SETX: variants seen among roughly 807,000 people sequenced by gnomAD.
The protein encoded by SETX is senataxin.
A neutral mutation model predicts 227.2 loss-of-function variants in SETX; 90 were observed. The ratio of observed to expected loss-of-function variants is 0.40; its 90% CI spans 0.33 to 0.47. The LOEUF (loss-of-function observed/expected upper bound fraction) is 0.47. SETX is among the 20% of genes least tolerant of loss of function. The pLI is 0.91. For synonymous variants in SETX, 1,210 were observed against 1,113.2 expected (o/e 1.09, Z -1.73); for missense variants, 3,052 against 3,181.5 (o/e 0.96, Z 0.98).
intron 7 of SETX, 52 bp from the exon 8 acceptor site, chr9:132,331,500 C>T: frequency 6.4e-7 from 1 of 1,564,646 alleles, no homozygotes; most frequent in Non-Finnish European, 8.8e-7. Context: ...GAAAAACATA[C>T]TACAATATAT....
chr9:132,304,644 A>G (rs1254874842), intron 11 of SETX, among the ~76,000 whole-genome samples: 3 of 151,734 alleles, frequency 2.0e-5, no homozygotes, highest in South Asian at 2.1e-4. Flanking sequence ...AAAAAAAAAA[A>G]AAAGAAAGAA....
intron 10 of SETX, among the ~76,000 whole-genome samples, chr9:132,318,065 G>A (rs1846096921): frequency 6.6e-6 from 1 of 151,538 alleles, no homozygotes; most frequent in South Asian, 2.1e-4. Flanking sequence ...TCTATTTTCT[G>A]CTTCTATCCT....
chr9:132,355,206 C>G (rs918897531), upstream of SETX, among the ~76,000 whole-genome samples: 18 of 152,118 alleles, frequency 1.2e-4, no homozygotes, highest in African/African-American at 4.3e-4. Flanking sequence ...GAGTCCCCGT[C>G]AGGGTGGACG....
At chr9:132,317,802 T>A (rs1846078009) in intron 10 of SETX, among the ~76,000 whole-genome samples, 1 of 152,166 alleles carries the variant, frequency 6.6e-6, no homozygotes, top group African/African-American at 2.4e-5. Flanking sequence ...TTCTAGCTTT[T>A]TTTTATTTCT....
rs1482925360 is a variant in SETX, at chr9:132,349,239, T to TA, written c.177+12dup. The stretch of plus-strand genomic sequence containing the variant: ...CAAGCTCTGAAAAATATTGCCCATC[T>TA]AATATATTTTACCTCATGCAAGAAT... On this transcript the variant is annotated intron_variant, in intron 3 of 25. Coordinates refer to ENST00000224140, the MANE Select transcript of SETX (RefSeq NM_015046.7). 2 of 1,612,674 alleles carry TA rather than the reference T, an allele frequency of 1.2e-6. No homozygotes were observed. Among genetic ancestry groups the TA allele is most frequent in the Admixed American group, 3.3e-5 (2 of 59,998 alleles).
rs575959163 is a variant in SETX at position 132,263,973 on chromosome 9, T to A, written c.*266A>T. ...CAACATTCACTCCAGTCTGACCTCC[T>A]TGTCTATAGAAGACTAAGAGATCAA... is the stretch of plus-strand genomic sequence containing the variant. On this transcript the variant is annotated 3_prime_UTR_variant, in exon 26 of 26. Coordinates refer to ENST00000224140, the MANE Select transcript of SETX (RefSeq NM_015046.7). 2 of 529,660 alleles carry A rather than the reference T, an allele frequency of 3.8e-6. No homozygotes were observed. The highest frequency in any genetic ancestry group is 6.6e-5 in the East Asian group (2 of 30,186). 32.8% of individuals were successfully genotyped at this position (529,660 alleles called of 1,614,324 possible).
In SETX at chr9:132,278,728, A is replaced by G. The variant is rs562532518; in HGVS notation, c.6655-471T>C. 9.2e-5 allele frequency among the ~76,000 whole-genome samples: 14 copies of G among 152,270 alleles called. 1 individual carries two copies. Among genetic ancestry groups the G allele is most frequent in the Admixed American group, 4.6e-4 (7 of 15,284 alleles). On this transcript the variant is annotated intron_variant, in intron 20 of 25. Transcript: ENST00000224140. ...CAACTGATGCTATTTTGATGCTACA[A>G]GACGCCACCCAAAAAAACCAGTAAT... is the stretch of plus-strand genomic sequence containing the variant.
chr9:132,318,457 CT>C (rs1846129086), intron 10 of SETX, among the ~76,000 whole-genome samples: 1 of 152,182 alleles, frequency 6.6e-6, no homozygotes, highest in Admixed American at 6.5e-5. Context: ...CAAAGGAACA[CT>C]GCAGGAACAA....
At chr9:132,301,693 C>T (rs958916397) in intron 11 of SETX, among the ~76,000 whole-genome samples, 1 of 152,198 alleles carries the variant, frequency 6.6e-6, no homozygotes, top group Middle Eastern at 3.2e-3. Flanking sequence ...TAAGTACACT[C>T]TTACTTCTCA....
At chr9:132,311,948 C>A in intron 10 of SETX, 92 bp from the exon 11 acceptor site, 1 of 1,006,162 alleles carries the variant, frequency 9.9e-7, no homozygotes, top group South Asian at 1.4e-5. Context: ...ACAGTAAAAT[C>A]CAGAAGCTAG....
chr9:132,325,402 C>T (rs1441329898), intron 10 of SETX, among the ~76,000 whole-genome samples: 1 of 152,016 alleles, frequency 6.6e-6, no homozygotes, highest in Non-Finnish European at 1.5e-5. Flanking sequence ...GGAAGTCTGA[C>T]GTGTAGGGAA....
intron 11 of SETX, among the ~76,000 whole-genome samples, chr9:132,301,452 G>A (rs1400428357): frequency 2.0e-5 from 3 of 151,964 alleles, no homozygotes; most frequent in Non-Finnish European, 2.9e-5. Flanking sequence ...AAGAAAATTC[G>A]GAAACAGATC....
chr9:132,343,220 G>A (rs1162184603), intron 4 of SETX, among the ~76,000 whole-genome samples: 1 of 152,162 alleles, frequency 6.6e-6, no homozygotes, highest in Non-Finnish European at 1.5e-5. Flanking sequence ...TCGGAAGGCT[G>A]AGGCAGGAGA....
At chr9:132,282,131 C>A (rs985035943) in intron 19 of SETX, among the ~76,000 whole-genome samples, 1 of 150,568 alleles carries the variant, frequency 6.6e-6, no homozygotes, top group Non-Finnish European at 1.5e-5. Flanking sequence ...TTTTTGAAGT[C>A]AGCCACCAAC....
chr9:132,345,786 G>A (rs1381847565), intron 4 of SETX, among the ~76,000 whole-genome samples: 1 of 152,194 alleles, frequency 6.6e-6, no homozygotes, highest in African/African-American at 2.4e-5. Flanking sequence ...GGAAGCTGAG[G>A]TGGGAGGACT....
rs2131452809 is a variant in SETX, at chr9:132,329,169, T to C, written c.2429A>G (p.Asn810Ser). The C allele has an allele frequency of 1.2e-6, 2 of 1,612,570 alleles. No individual in the cohort carries two copies. Among genetic ancestry groups the C allele is most frequent in the Non-Finnish European group, 1.7e-6 (2 of 1,179,776 alleles). Residue 810 changes from asparagine to serine, a missense_variant, in exon 10 of 26, where the codon AAT (asparagine) becomes AGT (serine). Asn to Ser is a conservative substitution (Grantham distance 46). This residue lies in a region of SETX where 1,483 missense variants were observed against 1,312.0 expected (regional missense o/e 1.13). Coordinates refer to ENST00000224140, the MANE Select transcript of SETX (RefSeq NM_015046.7). ...AGATACAGTCAAATTTTCATCTAAA[T>C]TGATAGTATTATCGACCAAAGTACT... ...RKSTLVDNTI[N>S]LDENLTVSNI...
intron 10 of SETX, among the ~76,000 whole-genome samples, chr9:132,324,714 G>A (rs1338404955): frequency 2.0e-5 from 3 of 152,150 alleles, no homozygotes. Flanking sequence ...TCCCATGCTT[G>A]TAAGAGCACT....
At position 132,281,493 on chromosome 9, in the gene SETX, G is replaced by C; in HGVS notation, c.6628C>G (p.Gln2210Glu). ...ATAGAGATGACTGTCGGAGGGAGCT[G>C]CTTAGGATCTCCTACTAGGATGAGC... ...NKLILVGDPK[Q>E]LPPTVISMKA... is the part of the protein sequence containing the mutation. Residue 2210 changes from glutamine (Q) to glutamate (E), a missense_variant, in exon 20 of 26, where the codon CAG becomes GAG. Gln to Glu is a conservative substitution (Grantham distance 29, BLOSUM62 2). Around this residue, in one of 10 missense-constraint regions of SETX, gnomAD observed 412 missense variants for 589.0 expected, o/e 0.70. Coordinates refer to ENST00000224140, the MANE Select transcript of SETX (RefSeq NM_015046.7). 1 of 1,613,632 alleles carries C rather than the reference G, an allele frequency of 6.2e-7. No homozygotes were observed. The highest frequency in any genetic ancestry group is 1.3e-5 in the African/African-American group (1 of 75,026).
Position 132,275,421 on chromosome 9 carries a change from C to G in SETX, c.6936-1G>C. 6.3e-7 allele frequency: 1 copy of G among 1,593,354 alleles called. No homozygotes were observed. Among genetic ancestry groups the G allele is most frequent in the South Asian group, 1.1e-5 (1 of 90,360 alleles). On this transcript the variant is annotated splice_acceptor_variant, in intron 22 of 25. Coordinates refer to ENST00000224140, the MANE Select transcript of SETX (RefSeq NM_015046.7). LOFTEE classifies it high-confidence loss of function. ...TATTTCTTGAACATTTATATATGAG[C>G]TAAACAAGATGGAAAAAGAAAACAC... is the stretch of plus-strand genomic sequence containing the variant.
Sources: allele counts gnomAD v4.1 joint callset (sites outside exome capture counted in the v4.1 genomes callset), GRCh38; gene constraint gnomAD v4.1.1; regional missense constraint gnomAD v4.1.1; transcripts MANE v1.5; gene names NCBI Gene and HGNC (gene_info 2026-07-23, HGNC 2026-07-21).